The following NRXN3 variants were observed in gnomAD, a reference collection of about 807,000 sequenced individuals.
The protein encoded by NRXN3 is neurexin III.
NRXN3 carries 32 observed loss-of-function variants against 137.6 expected under a neutral mutation model. The observed-to-expected ratio is 0.23, with a 90% CI of 0.18 to 0.31. The LOEUF (loss-of-function observed/expected upper bound fraction) is 0.31, where lower values mean the gene tolerates loss of function less well. NRXN3 is among the 10% of genes least tolerant of loss of function. The probability of loss-of-function intolerance (pLI) is 1.00; values close to 1 mark genes in which losing one functional copy is unlikely to be tolerated. For synonymous variants in NRXN3, 798 were observed against 784.5 expected, an observed-to-expected ratio of 1.02 and a Z score of -0.29; for missense variants, 1,574 against 2,062.5, an observed-to-expected ratio of 0.76 and a Z score of 4.59.
intron 19 of NRXN3, among the ~76,000 whole-genome samples, chr14:79,742,840 G>C (rs2098967404): frequency 6.6e-6 from 1 of 152,192 alleles, no homozygotes. Context: ...TAGGATAAGG[G>C]AGAAGGAAGT....
chr14:78,397,331 C>G (rs1404556263), intron 4 of NRXN3, among the ~76,000 whole-genome samples: 2 of 151,286 alleles, frequency 1.3e-5, no homozygotes, highest in Non-Finnish European at 2.9e-5. Flanking sequence ...TCCACAGACC[C>G]TGTGGCTCCA....
chr14:78,282,171 G>A (rs1029767217), intron 3 of NRXN3: 3 of 497,178 alleles, frequency 6.0e-6, no homozygotes, highest in African/African-American at 5.8e-5. Context: ...CCATGCTTTT[G>A]TACATTGGGA....
chr14:79,389,120 T>C (rs558911310), intron 15 of NRXN3, among the ~76,000 whole-genome samples: 3 of 152,236 alleles, frequency 2.0e-5, no homozygotes, highest in Non-Finnish European at 4.4e-5. Context: ...GGTTATTTCA[T>C]GTCAGACATT....
intron 8 of NRXN3, among the ~76,000 whole-genome samples, chr14:78,724,863 C>G (rs759461392): frequency 2.6e-5 from 4 of 152,196 alleles, no homozygotes; most frequent in Non-Finnish European, 4.4e-5. Flanking sequence ...CCCAGCCCAA[C>G]AGAGAGGATA....
chr14:79,661,136 G>A (rs1442272585), intron 16 of NRXN3, among the ~76,000 whole-genome samples: 1 of 152,116 alleles, frequency 6.6e-6, no homozygotes, highest in East Asian at 1.9e-4. Flanking sequence ...ATATATGCAT[G>A]CATATTTTAA....
At chr14:79,594,608 T>A (rs562603323) in intron 16 of NRXN3, among the ~76,000 whole-genome samples, 2 of 152,274 alleles carry the variant, frequency 1.3e-5, no homozygotes, top group African/African-American at 4.8e-5. Flanking sequence ...GCAACTAATA[T>A]TATGAACATC....
intron 15 of NRXN3, among the ~76,000 whole-genome samples, chr14:79,153,486 G>A (rs564615646): frequency 4.9e-4 from 75 of 151,972 alleles, no homozygotes; most frequent in Middle Eastern, 3.4e-3. Flanking sequence ...TCCACCCATT[G>A]AGCTACTGAA....
chr14:79,207,829 A>G lies in NRXN3; in HGVS notation c.3262+219688A>G, dbSNP rs538951818. Among the ~76,000 whole-genome samples, 405 of 152,276 alleles carry G rather than the reference A, an allele frequency of 2.7e-3. 3 individuals are homozygous for G. Among genetic ancestry groups the G allele is most frequent in the African/African-American group, 9.3e-3 (385 of 41,574 alleles). On this transcript the variant is annotated intron_variant, in intron 15 of 20. Transcript: ENST00000335750. ...GATGATAATTCAGTTGTGAAGGTAT[A>G]GTATTGAGAAACTGGTCTAAAGTTT... is the stretch of plus-strand genomic sequence containing the variant.
rs1484355605 is a variant in NRXN3 at position 79,358,571 on chromosome 14, AAAAG to A, written c.3263-108640_3263-108637del. ...CCTGACTCTGTCTCAAAAAAAAAAA[AAAAG>A]AAAGAAAGAGAGAAAGAAAGAAAGA... On this transcript the variant is annotated intron_variant, in intron 15 of 20. Coordinates refer to ENST00000335750, the MANE Select transcript of NRXN3 (RefSeq NM_001330195.2). Among the ~76,000 whole-genome samples the A allele has an allele frequency of 1.3e-4, 17 of 130,224 alleles. No homozygotes were observed. The South Asian group carries it at 1.8e-3, about 14-fold the overall frequency. The allele number at this position is 130,224 out of a possible 152,430, so 85.4% of individuals were successfully genotyped here. A position where few individuals can be genotyped will look rare whatever the true frequency, so the allele number is the denominator to read the frequency against.
chr14:78,670,466 C>A (rs1243429654), intron 6 of NRXN3, among the ~76,000 whole-genome samples: 1 of 152,188 alleles, frequency 6.6e-6, no homozygotes, highest in Non-Finnish European at 1.5e-5. Flanking sequence ...ACTTAGAATG[C>A]CTAACCTGGG....
At chr14:78,265,377 G>T (rs949367847) in intron 2 of NRXN3, among the ~76,000 whole-genome samples, 6 of 152,168 alleles carry the variant, frequency 3.9e-5, no homozygotes, top group African/African-American at 1.4e-4. Context: ...GTGGAGAGGG[G>T]AGAGGACACT....
At chr14:78,968,146 T>C (rs1275852942) in intron 13 of NRXN3, 27 bp from the exon 14 acceptor site, 1 of 1,507,726 alleles carries the variant, frequency 6.6e-7, no homozygotes, top group Non-Finnish European at 9.0e-7. Flanking sequence ...TTACTCATTC[T>C]CTTTTGCTAA....
At chr14:78,499,912 C>T (rs2095852497) in intron 4 of NRXN3, among the ~76,000 whole-genome samples, 1 of 151,990 alleles carries the variant, frequency 6.6e-6, no homozygotes. Context: ...ATGGAAGTTG[C>T]AATCTTATAT....
At chr14:79,450,597 G>A (rs926275360) in intron 15 of NRXN3, among the ~76,000 whole-genome samples, 18 of 152,184 alleles carry the variant, frequency 1.2e-4, no homozygotes, top group South Asian at 6.2e-4. Flanking sequence ...GGTGGCTCAC[G>A]TCTGTAATCC....
In NRXN3 at chr14:79,831,310, A is replaced by G. The variant is rs181234885; in HGVS notation, c.4093+26120A>G. Among the ~76,000 whole-genome samples the G allele has an allele frequency of 1.4e-3, 207 of 152,308 alleles. 1 individual carries two copies. The highest frequency in any genetic ancestry group is 4.8e-3 in the African/African-American group (198 of 41,578). ...TTAGTCACTTAAGAGCTAGTGAGTGACAGATTTCACATGAGAATTGGTCAC... is the reference window on the plus strand; with the variant it reads ...TTAGTCACTTAAGAGCTAGTGAGTGGCAGATTTCACATGAGAATTGGTCAC... On this transcript the variant is annotated intron_variant, in intron 20 of 20. Coordinates refer to ENST00000335750, the MANE Select transcript of NRXN3 (RefSeq NM_001330195.2).
At chr14:79,276,496 C>T (rs2080294885) in intron 15 of NRXN3, among the ~76,000 whole-genome samples, 1 of 152,090 alleles carries the variant, frequency 6.6e-6, no homozygotes, top group Non-Finnish European at 1.5e-5. Flanking sequence ...CTTCTTTTGA[C>T]ATTTTGCAAA....
intron 4 of NRXN3, among the ~76,000 whole-genome samples, chr14:78,556,349 C>T (rs994040675): frequency 1.3e-5 from 2 of 152,148 alleles, no homozygotes; most frequent in African/African-American, 4.8e-5. Context: ...TCTTGAGATT[C>T]CAAAATCCTT....
chr14:79,588,446 T>C (rs894157270), intron 16 of NRXN3, among the ~76,000 whole-genome samples: 1 of 152,238 alleles, frequency 6.6e-6, no homozygotes, highest in African/African-American at 2.4e-5. Flanking sequence ...CACCCAGCTA[T>C]ATCCTGTTAG....
chr14:78,238,523 G>A (rs926064895), intron 1 of NRXN3, among the ~76,000 whole-genome samples: 1 of 152,224 alleles, frequency 6.6e-6, no homozygotes, highest in Non-Finnish European at 1.5e-5. Context: ...AACGCTGGCA[G>A]CAGTTGGAGG....
Sources: gnomAD v4.1 joint callset for allele counts (sites outside exome capture counted in the v4.1 genomes callset) on GRCh38, gnomAD v4.1.1 for gene constraint, MANE v1.5 for transcripts, NCBI Gene and HGNC (gene_info 2026-07-23, HGNC 2026-07-21) for gene names.